CDH2: variants seen among roughly 807,000 people sequenced by gnomAD.
The protein encoded by CDH2 is cadherin-2.
A neutral mutation model predicts 92.0 loss-of-function variants in CDH2; 17 were observed. The ratio of observed to expected loss-of-function variants is 0.18; its 90% CI spans 0.13 to 0.28. CDH2 has a LOEUF of 0.28. CDH2 is among the 10% of genes least tolerant of loss of function. CDH2 has a pLI of 1.00. For synonymous variants in CDH2, 419 were observed against 415.9 expected (o/e 1.01, Z -0.09); for missense variants, 862 against 1,133.1 (o/e 0.76, Z 3.44).
intron 2 of CDH2, among the ~76,000 whole-genome samples, chr18:28,072,533 G>A (rs1275865163): frequency 3.3e-5 from 5 of 152,114 alleles, no homozygotes; most frequent in Non-Finnish European, 4.4e-5. Context: ...TTCAGGTCAT[G>A]GACTCTGTTA....
intron 2 of CDH2, among the ~76,000 whole-genome samples, chr18:28,081,278 C>T (rs900776714): frequency 6.6e-6 from 1 of 152,080 alleles, no homozygotes; most frequent in Non-Finnish European, 1.5e-5. Flanking sequence ...AGTGATTCTC[C>T]CTAGCTGTAC....
intron 2 of CDH2, among the ~76,000 whole-genome samples, chr18:28,057,666 C>CAA (rs879732697): frequency 6.1e-5 from 6 of 98,140 alleles, no homozygotes; most frequent in African/African-American, 7.4e-5. Context: ...GACTCTGTCT[C>CAA]AAAAAAAAAA....
At chr18:27,993,702 C>A in intron 7 of CDH2, 65 bp from the exon 8 acceptor site, 2 of 1,203,100 alleles carry the variant, frequency 1.7e-6, no homozygotes, top group Non-Finnish European at 2.4e-6. Flanking sequence ...AACAGTTGTT[C>A]TGTAAACGGC....
intron 2 of CDH2, among the ~76,000 whole-genome samples, chr18:28,109,861 G>A (rs17446581): frequency 0.22 from 34,092 of 152,158 alleles, 4,020 homozygotes; most frequent in Middle Eastern, 0.35. Flanking sequence ...TGTATAAAGT[G>A]TTATTGATTC....
chr18:28,158,541 C>T (rs2144348814), intron 1 of CDH2, among the ~76,000 whole-genome samples: 1 of 152,294 alleles, frequency 6.6e-6, no homozygotes, highest in South Asian at 2.1e-4. Flanking sequence ...CATGGGAAGG[C>T]ACTCTGCTAA....
intron 2 of CDH2, among the ~76,000 whole-genome samples, chr18:28,071,426 G>A (rs1298983191): frequency 6.6e-6 from 1 of 152,080 alleles, no homozygotes; most frequent in Non-Finnish European, 1.5e-5. Flanking sequence ...AATGCAGGCA[G>A]TAGAGAAGGC....
At chr18:27,990,893 T>C (rs1243201864) in intron 9 of CDH2, among the ~76,000 whole-genome samples, 4 of 152,222 alleles carry the variant, frequency 2.6e-5, no homozygotes, top group Non-Finnish European at 5.9e-5. Context: ...TACAAACATG[T>C]ATACATAATC....
At chr18:27,987,561 AT>A (rs1472169811) in intron 11 of CDH2, among the ~76,000 whole-genome samples, 3 of 152,166 alleles carry the variant, frequency 2.0e-5, no homozygotes, top group Non-Finnish European at 4.4e-5. Flanking sequence ...GAAGCCTGCT[AT>A]TTTTTATTAA....
At chr18:28,055,042 T>C (rs916854855) in intron 2 of CDH2, among the ~76,000 whole-genome samples, 4 of 152,162 alleles carry the variant, frequency 2.6e-5, no homozygotes, top group Admixed American at 6.6e-5. Context: ...AGCCAAACGC[T>C]TAAATTTATA....
intron 2 of CDH2, among the ~76,000 whole-genome samples, chr18:28,021,070 A>G (rs772189495): frequency 2.6e-5 from 4 of 151,922 alleles, no homozygotes; most frequent in Non-Finnish European, 5.9e-5. Flanking sequence ...AATATCCCCA[A>G]TCTCTCACAA....
chr18:28,069,481 A>C (rs2014574766), intron 2 of CDH2, among the ~76,000 whole-genome samples: 1 of 152,194 alleles, frequency 6.6e-6, no homozygotes, highest in African/African-American at 2.4e-5. Flanking sequence ...ACTTTCAAGT[A>C]CCCAGAACCA....
At chr18:27,961,207 A>G (rs778939734) in intron 15 of CDH2, among the ~76,000 whole-genome samples, 23 of 151,732 alleles carry the variant, frequency 1.5e-4, no homozygotes, top group Non-Finnish European at 2.5e-4. Flanking sequence ...CATGCCCTAC[A>G]CATTTGCCAG....
At chr18:28,160,997 T>C (rs2016298584) in intron 1 of CDH2, among the ~76,000 whole-genome samples, 1 of 152,218 alleles carries the variant, frequency 6.6e-6, no homozygotes, top group East Asian at 1.9e-4. Flanking sequence ...ATATTCAGTA[T>C]CTTTATGTTT....
At chr18:27,954,945 A>C (rs1012767887) in intron 15 of CDH2, among the ~76,000 whole-genome samples, 2 of 152,160 alleles carry the variant, frequency 1.3e-5, no homozygotes, top group Non-Finnish European at 2.9e-5. Flanking sequence ...TTAGTTCAGC[A>C]TTGTCTGACT....
chr18:27,935,168 C>G (rs938950974), intron 6 of CDH2, among the ~76,000 whole-genome samples: 1 of 152,174 alleles, frequency 6.6e-6, no homozygotes, highest in East Asian at 1.9e-4. Context: ...CATTCTCACA[C>G]TGCTATAACG....
intron 2 of CDH2, among the ~76,000 whole-genome samples, chr18:28,128,698 A>G (rs566791596): frequency 6.6e-5 from 10 of 152,242 alleles, no homozygotes; most frequent in Admixed American, 6.5e-4. Context: ...AAAAAAAAAA[A>G]AAGTCTGACT....
At chr18:27,994,817 AAACC>A (rs1386742829) in intron 7 of CDH2, among the ~76,000 whole-genome samples, 1 of 152,124 alleles carries the variant, frequency 6.6e-6, no homozygotes, top group African/African-American at 2.4e-5. Flanking sequence ...AAGGAAAGCC[AAACC>A]GCCCACACTA....
At chr18:27,993,445 C>A in intron 8 of CDH2, 55 bp downstream of exon 8, 1 of 1,560,628 alleles carries the variant, frequency 6.4e-7, no homozygotes, top group Non-Finnish European at 8.7e-7. Flanking sequence ...CATGACCAAC[C>A]TTCTCAGTAA....
At chr18:28,120,754 G>C (rs1314001940) in intron 2 of CDH2, among the ~76,000 whole-genome samples, 1 of 152,072 alleles carries the variant, frequency 6.6e-6, no homozygotes, top group Non-Finnish European at 1.5e-5. Flanking sequence ...ACCTATGAAT[G>C]AAAGAACAGT....
Sources: allele counts gnomAD v4.1 joint callset (sites outside exome capture counted in the v4.1 genomes callset), GRCh38; gene constraint gnomAD v4.1.1; transcripts MANE v1.5; gene names NCBI Gene and HGNC (gene_info 2026-07-23, HGNC 2026-07-21).